PHAF1: variants seen among roughly 807,000 people sequenced by gnomAD.
PHAF1 encodes the protein phagosome assembly factor 1.
PHAF1 carries 23 observed loss-of-function variants against 63.1 expected under a neutral mutation model. The observed-to-expected ratio is 0.36, with a 90% confidence interval of 0.26 to 0.52. PHAF1 has a LOEUF of 0.52. Among genes scored for constraint, PHAF1 ranks in the 20% least tolerant of loss-of-function variants. The pLI is 0.93. For synonymous variants in PHAF1, 167 were observed against 185.0 expected, an observed-to-expected ratio of 0.90 and a Z score of 0.79; for missense variants, 427 against 517.2, an observed-to-expected ratio of 0.83 and a Z score of 1.69.
chr16:67,145,356 C>T lies in PHAF1; in HGVS notation c.1007-20C>T. The stretch of plus-strand genomic sequence containing the variant: ...AGGCTGGGCCAGCTACAAATCTGCC[C>T]CACTGTCTTCTCTTTTCAGAAAACG... On this transcript the variant is annotated intron_variant, in intron 12 of 15. Transcript: ENST00000219139. 6.2e-7 allele frequency: 1 copy of T among 1,613,930 alleles called. No homozygotes were observed. Among genetic ancestry groups the T allele is most frequent in the Non-Finnish European group, 8.5e-7 (1 of 1,179,946 alleles).
chr16:67,137,410 C>T (rs897858397), intron 8 of PHAF1, among the ~76,000 whole-genome samples: 1 of 152,006 alleles, frequency 6.6e-6, no homozygotes, highest in African/African-American at 2.4e-5. Flanking sequence ...CCTCTGCCTC[C>T]TGGGTTAAAG....
At chr16:67,136,382 A>C (rs539554663) in intron 8 of PHAF1, 43 of 151,324 alleles carry the variant, frequency 2.8e-4, no homozygotes, top group African/African-American at 9.7e-4. Context: ...TGACATTCCC[A>C]TGCCTGGCCA....
chr16:67,129,115 A>T (rs1963298382), intron 3 of PHAF1, among the ~76,000 whole-genome samples: 1 of 152,218 alleles, frequency 6.6e-6, no homozygotes, highest in African/African-American at 2.4e-5. Flanking sequence ...ATGGCATGCC[A>T]GTTTGGCATG....
intron 3 of PHAF1, among the ~76,000 whole-genome samples, chr16:67,130,808 C>A (rs796246595): frequency 6.6e-6 from 1 of 152,164 alleles, no homozygotes; most frequent in African/African-American, 2.4e-5. Context: ...TCCAGCCTGA[C>A]CCAGAAGTGG....
rs138735230 is a variant in PHAF1, at chr16:67,139,539, G to A, written c.662-445G>A. 628 of 159,066 alleles carry A rather than the reference G, an allele frequency of 3.9e-3. 1 individual carries two copies. The highest frequency in any genetic ancestry group is 5.8e-3 in the Non-Finnish European group (426 of 73,370). The allele number at this position is 159,066 out of a possible 1,614,324, so 9.9% of individuals were successfully genotyped here. A position where few individuals can be genotyped will look rare whatever the true frequency, so the allele number is the denominator to read the frequency against. On this transcript the variant is annotated intron_variant, in intron 8 of 15. Transcript: ENST00000219139. ...AATTTTTGTATGTTTTTGTAGAGACGGAGTATCACCATGTTGCCCAGGCTG... is the reference window on the plus strand; with the variant it reads ...AATTTTTGTATGTTTTTGTAGAGACAGAGTATCACCATGTTGCCCAGGCTG...
At chr16:67,134,605 C>A in intron 8 of PHAF1, 138 bp downstream of exon 8, 1 of 816,342 alleles carries the variant, frequency 1.2e-6, no homozygotes. Flanking sequence ...GGCTGCTAAA[C>A]AACAAAAATT....
chr16:67,113,893 G>T (rs1261638956), intron 1 of PHAF1, among the ~76,000 whole-genome samples: 1 of 151,822 alleles, frequency 6.6e-6, no homozygotes, highest in Non-Finnish European at 1.5e-5. Context: ...AGTAGAGATG[G>T]GGTTTCACGA....
intron 2 of PHAF1, among the ~76,000 whole-genome samples, chr16:67,123,343 G>A (rs910026381): frequency 1.3e-5 from 2 of 151,936 alleles, no homozygotes; most frequent in Admixed American, 6.6e-5. Flanking sequence ...TTAGGAGGCC[G>A]AGACGGGCAG....
Position 67,146,356 on chromosome 16 carries a change from C to T in PHAF1, c.1182+6C>T, listed in dbSNP as rs2030068897. On this transcript the variant is annotated splice_donor_region_variant and intron_variant, in intron 15 of 15. Transcript: ENST00000219139. ...TTCAGCGAATGATCTTTGAGGTAAG[C>T]TGTGGAAGCCCTAGAAATAAACTGC... 6 of 1,613,030 alleles carry T rather than the reference C, an allele frequency of 3.7e-6. No homozygotes were observed. Among genetic ancestry groups the T allele is most frequent in the Non-Finnish European group, 5.1e-6 (6 of 1,178,986 alleles).
At chr16:67,120,070 G>T in intron 1 of PHAF1, 42 bp from the exon 2 acceptor site, 1 of 1,572,362 alleles carries the variant, frequency 6.4e-7, no homozygotes, top group Non-Finnish European at 8.7e-7. Flanking sequence ...GTCAATAGAT[G>T]GATAGCCAAA....
chr16:67,119,646 G>A (rs1477246659), intron 1 of PHAF1, among the ~76,000 whole-genome samples: 5 of 150,560 alleles, frequency 3.3e-5, no homozygotes, highest in African/African-American at 1.2e-4. Context: ...TCAGCCTCCC[G>A]GGTAGCTGGG....
At chr16:67,116,212 C>G (rs1334492989) in intron 1 of PHAF1, among the ~76,000 whole-genome samples, 1 of 152,178 alleles carries the variant, frequency 6.6e-6, no homozygotes, top group African/African-American at 2.4e-5. Context: ...TGAGTCCCTA[C>G]TGTGGGCCAG....
intron 1 of PHAF1, among the ~76,000 whole-genome samples, chr16:67,118,525 CAG>C (rs1962845250): frequency 1.3e-5 from 2 of 150,434 alleles, no homozygotes; most frequent in Admixed American, 6.7e-5. Context: ...TTAATGGAGA[CAG>C]GGTTTCACCA....
chr16:67,146,380 G>A (rs2030072013), intron 15 of PHAF1, 30 bp downstream of exon 15: 3 of 1,599,844 alleles, frequency 1.9e-6, no homozygotes, highest in Non-Finnish European at 8.6e-7. Context: ...GAAATAAACT[G>A]CCTGGGGGGT....
intron 1 of PHAF1, among the ~76,000 whole-genome samples, chr16:67,118,123 ATTTTTTTTTT>A (rs772394136): frequency 5.8e-5 from 7 of 120,950 alleles, no homozygotes; most frequent in African/African-American, 2.1e-4. Flanking sequence ...CGCCCGGCTA[ATTTTTTTTTT>A]TTTTTTTTTT....
chr16:67,144,989 C>A, intron 12 of PHAF1, 112 bp downstream of exon 12: 1 of 1,315,834 alleles, frequency 7.6e-7, no homozygotes, highest in Non-Finnish European at 1.1e-6. Flanking sequence ...CTGCCCATGG[C>A]CTCAGTTCCT....
chr16:67,119,518 G>A (rs1007847948), intron 1 of PHAF1, among the ~76,000 whole-genome samples: 2 of 150,332 alleles, frequency 1.3e-5, no homozygotes, highest in Non-Finnish European at 1.5e-5. Context: ...TGCATCATAC[G>A]CATCTTTTTT....
chr16:67,134,226 G>T lies in PHAF1; in HGVS notation c.509G>T (p.Arg170Leu). 1 of 1,614,134 alleles carries T rather than the reference G, an allele frequency of 6.2e-7. No individual in the cohort carries two copies. The highest frequency in any genetic ancestry group is 8.5e-7 in the Non-Finnish European group (1 of 1,179,986). Residue 170 changes from arginine to leucine, a missense_variant, in exon 7 of 16, where the codon CGA (arginine) becomes CTA (leucine). Coordinates refer to ENST00000219139, the MANE Select transcript of PHAF1 (RefSeq NM_025187.5). ...LQIPHGATVK[R>L]MYIYSGNSLQ... ...ATACCCCATGGAGCAACTGTAAAAC[G>T]AATGTACATCTACAGTGGCAACAGC...
chr16:67,147,103 G>T lies in PHAF1; in HGVS notation c.1241G>T (p.Ser414Ile). The change falls in exon 16 of 16, where the codon AGC (serine) becomes ATC (isoleucine). Residue 414 changes from serine to isoleucine, a missense_variant. By Grantham distance (142) the Ser-to-Ile change is moderately radical. Coordinates refer to ENST00000219139, the MANE Select transcript of PHAF1 (RefSeq NM_025187.5). Reference sequence around the variant, plus strand: ...CTGTATGGCCCCCCCAGGCCTGGTAGCCACCTGAGAACAGCGGAACTCCCC... The same window carrying T: ...CTGTATGGCCCCCCCAGGCCTGGTATCCACCTGAGAACAGCGGAACTCCCC... Reference protein sequence around the residue: ...VTLYGPPRPGSHLRTAELP With the variant: ...VTLYGPPRPGIHLRTAELP The T allele has an allele frequency of 6.2e-7, 1 of 1,613,798 alleles. No individual in the cohort carries two copies. Among genetic ancestry groups the T allele is most frequent in the Non-Finnish European group, 8.5e-7 (1 of 1,179,800 alleles).
Sources: gnomAD v4.1 joint callset for allele counts (sites outside exome capture counted in the v4.1 genomes callset) on GRCh38, gnomAD v4.1.1 for gene constraint, MANE v1.5 for transcripts, NCBI Gene and HGNC (gene_info 2026-07-23, HGNC 2026-07-21) for gene names.